Variants in MYRIP observed in about 807,000 individuals in gnomAD.
The protein encoded by MYRIP is myosin VIIA and Rab interacting protein, also known as rab effector MyRIP.
MYRIP carries 49 observed loss-of-function variants against 98.0 expected under a neutral mutation model. The observed-to-expected ratio is 0.50, with a 90% CI of 0.40 to 0.63. The LOEUF (loss-of-function observed/expected upper bound fraction) is 0.63, where lower values mean the gene tolerates loss of function less well. MYRIP is among the 30% of genes least tolerant of loss of function. MYRIP has a pLI of 0.00. For missense variants in MYRIP, 1,004 were observed against 1,058.2 expected, an observed-to-expected ratio of 0.95 and a Z score of 0.71; for synonymous variants, 404 against 409.5, an observed-to-expected ratio of 0.99 and a Z score of 0.16.
At chr3:40,095,687 G>A (rs553676110) in intron 3 of MYRIP, among the ~76,000 whole-genome samples, 2 of 152,180 alleles carry the variant, frequency 1.3e-5, no homozygotes, top group East Asian at 3.9e-4. Flanking sequence ...CAGACATGCA[G>A]TCACACACAT....
intron 11 of MYRIP, among the ~76,000 whole-genome samples, chr3:40,220,709 A>G (rs967902826): frequency 4.6e-5 from 7 of 152,118 alleles, no homozygotes; most frequent in African/African-American, 1.7e-4. Flanking sequence ...TGCAGGCTCT[A>G]CAGGAAGCAT....
chr3:40,020,743 C>T (rs1354528001), intron 2 of MYRIP, among the ~76,000 whole-genome samples: 1 of 152,212 alleles, frequency 6.6e-6, no homozygotes, highest in Non-Finnish European at 1.5e-5. Context: ...TTTCTTGGCC[C>T]CCCTGATTTT....
At chr3:39,981,908 T>C (rs566075975) in intron 2 of MYRIP, among the ~76,000 whole-genome samples, 190 of 151,986 alleles carry the variant, frequency 1.3e-3, no homozygotes, top group African/African-American at 4.3e-3. Context: ...TAAATAAAAG[T>C]GAACTGATTG....
intron 2 of MYRIP, among the ~76,000 whole-genome samples, chr3:40,027,042 T>C (rs1947147367): frequency 6.6e-6 from 1 of 152,126 alleles, no homozygotes; most frequent in Non-Finnish European, 1.5e-5. Context: ...GCCCAGCCCT[T>C]CCTCTGAGCT....
At chr3:40,183,481 T>A (rs1469737237) in intron 9 of MYRIP, among the ~76,000 whole-genome samples, 1 of 152,210 alleles carries the variant, frequency 6.6e-6, no homozygotes, top group Non-Finnish European at 1.5e-5. Context: ...ATGAAGGGGC[T>A]CAAATGAACT....
intron 8 of MYRIP, among the ~76,000 whole-genome samples, chr3:40,172,490 G>A (rs1387206259): frequency 6.6e-6 from 1 of 152,290 alleles, no homozygotes; most frequent in Non-Finnish European, 1.5e-5. Context: ...AGAAAATGGG[G>A]TAAGGGGCAC....
intron 16 of MYRIP, among the ~76,000 whole-genome samples, chr3:40,255,368 G>A (rs1953543196): frequency 6.6e-6 from 1 of 152,148 alleles, no homozygotes; most frequent in South Asian, 2.1e-4. Context: ...GATAAAGGTG[G>A]TAGTTGTACA....
At chr3:40,117,370 G>A (rs2679823) in intron 3 of MYRIP, among the ~76,000 whole-genome samples, 124,123 of 152,140 alleles carry the variant, frequency 0.82, 50,694 homozygotes, top group Admixed American at 0.87. Flanking sequence ...ATTTTACTAC[G>A]TTGTGTCACA....
At chr3:39,994,237 A>C in intron 2 of MYRIP, among the ~76,000 whole-genome samples, 1 of 152,252 alleles carries the variant, frequency 6.6e-6, no homozygotes, top group East Asian at 1.9e-4. Context: ...AAGCAGGGCG[A>C]GGCATCGCCT....
chr3:39,811,238 T>C (rs537137847), intron 1 of MYRIP, among the ~76,000 whole-genome samples: 5 of 152,318 alleles, frequency 3.3e-5, no homozygotes, highest in Admixed American at 1.3e-4. Flanking sequence ...CTTAGTTTTG[T>C]GATGACTGAC....
intron 3 of MYRIP, among the ~76,000 whole-genome samples, chr3:40,047,895 A>T (rs10865892): frequency 0.98 from 148,992 of 152,228 alleles, 72,990 homozygotes; most frequent in East Asian, 1. Flanking sequence ...TGTGTAACCC[A>T]TCAACATTAC....
intron 3 of MYRIP, among the ~76,000 whole-genome samples, chr3:40,135,641 G>A (rs143937704): frequency 0.21 from 32,486 of 152,066 alleles, 4,137 homozygotes; most frequent in South Asian, 0.37. Context: ...GAGAAAGGTC[G>A]GGTTACCCAC....
At chr3:39,855,779 C>T (rs1364772405) in intron 1 of MYRIP, among the ~76,000 whole-genome samples, 2 of 152,144 alleles carry the variant, frequency 1.3e-5, no homozygotes, top group African/African-American at 4.8e-5. Flanking sequence ...TGTCTTCTCA[C>T]TCTGTTGGCA....
At chr3:39,830,110 A>T (rs78374476) in intron 1 of MYRIP, among the ~76,000 whole-genome samples, 2,519 of 152,190 alleles carry the variant, frequency 0.017, 58 homozygotes, top group African/African-American at 0.057. Context: ...TGTCTCTTTC[A>T]GTCTCTAACC....
At chr3:39,949,376 TC>T (rs1474723799) in intron 2 of MYRIP, among the ~76,000 whole-genome samples, 1 of 152,150 alleles carries the variant, frequency 6.6e-6, no homozygotes, top group African/African-American at 2.4e-5. Flanking sequence ...GAGTTGTAAC[TC>T]AGCCACTTAC....
chr3:39,842,335 G>A (rs954650006), intron 1 of MYRIP, among the ~76,000 whole-genome samples: 9 of 152,134 alleles, frequency 5.9e-5, no homozygotes, highest in Non-Finnish European at 1.0e-4. Flanking sequence ...GTCCCTGGTC[G>A]ACTTCAGACT....
intron 2 of MYRIP, among the ~76,000 whole-genome samples, chr3:39,990,766 A>G (rs1946153904): frequency 6.6e-6 from 1 of 152,206 alleles, no homozygotes; most frequent in Non-Finnish European, 1.5e-5. Context: ...GCTGCCCTCT[A>G]GTGGACTCTG....
At chr3:39,853,861 T>C (rs903635047) in intron 1 of MYRIP, among the ~76,000 whole-genome samples, 1 of 152,210 alleles carries the variant, frequency 6.6e-6, no homozygotes, top group African/African-American at 2.4e-5. Context: ...TTTCCAATGT[T>C]ATCTTCTATA....
In MYRIP at chr3:39,874,584, A is replaced by G. The variant is rs150122406; in HGVS notation, c.-30-26203A>G. Among the ~76,000 whole-genome samples, 1,404 of 152,124 alleles carry G rather than the reference A, an allele frequency of 9.2e-3. 26 individuals are homozygous for G. The highest frequency in any genetic ancestry group is 0.032 in the African/African-American group (1,326 of 41,496). ...GAATTGTGTCAAAGGCCTTTTCTGC[A>G]TCTTTTGAGATAATCATGCGGTTTT... On this transcript the variant is annotated intron_variant, in intron 1 of 16. Coordinates refer to ENST00000302541, the MANE Select transcript of MYRIP (RefSeq NM_015460.4).
Sources: allele counts gnomAD v4.1 joint callset (sites outside exome capture counted in the v4.1 genomes callset), GRCh38; gene constraint gnomAD v4.1.1; transcripts MANE v1.5; gene names NCBI Gene and HGNC (gene_info 2026-07-23, HGNC 2026-07-21).